Variants in EPHB6 observed in about 807,000 individuals in gnomAD.
The protein encoded by EPHB6 is ephrin type-B receptor 6.
Under a neutral mutation model 107.0 loss-of-function variants are expected in EPHB6, and 51 were observed. That is an observed-to-expected ratio of 0.48 (90% confidence interval 0.38 to 0.60). The LOEUF (loss-of-function observed/expected upper bound fraction) is 0.60. Ranked by LOEUF, EPHB6 falls within the 20% of genes least tolerant of loss-of-function variation. The pLI, the probability that EPHB6 is intolerant of heterozygous loss-of-function variation, is 0.00. For synonymous variants in EPHB6, 553 were observed against 549.0 expected (o/e 1.01, Z -0.10); for missense variants, 1,141 against 1,355.5 (o/e 0.84, Z 2.48).
At position 142,865,975 on chromosome 7, in the gene EPHB6, C is replaced by T; in HGVS notation, c.1121C>T (p.Pro374Leu). Reference protein sequence around the residue: ...EAPCTGPPSAPQELWFEVQGS... With the variant: ...EAPCTGPPSALQELWFEVQGS... Reference sequence around the variant, plus strand: ...GGCCCCCCAGGTCCTCCATCGGCTCCCCAGGAGCTTTGGTTTGAGGTGCAA... The same window carrying T: ...GGCCCCCCAGGTCCTCCATCGGCTCTCCAGGAGCTTTGGTTTGAGGTGCAA... Residue 374 changes from proline (P) to leucine (L), a missense_variant, in exon 9 of 20, where the codon CCC becomes CTC. Physicochemically the swap from Pro to Leu is moderately conservative, Grantham distance 98. Around this residue, in one of 3 missense-constraint regions of EPHB6, gnomAD observed 304 missense variants for 295.7 expected, o/e 1.03. Coordinates refer to ENST00000652003, the MANE Select transcript of EPHB6 (RefSeq NM_004445.6). The T allele has an allele frequency of 6.2e-7, 1 of 1,613,964 alleles. No individual in the cohort carries two copies.
rs1054313100 is a variant in EPHB6, at chr7:142,866,269, C to T, written c.1415C>T (p.Pro472Leu). Residue 472 changes from proline (P) to leucine (L), a missense_variant, in exon 9 of 20, where the codon CCT becomes CTT. Pro to Leu is a moderately conservative substitution (Grantham distance 98). Coordinates refer to ENST00000652003, the MANE Select transcript of EPHB6 (RefSeq NM_004445.6). The surrounding 1 kb of genome is among the most constrained non-coding windows in gnomAD (Gnocchi z 5.2). The stretch of plus-strand genomic sequence containing the variant: ...GTTAATGGGGTGTCTGAGCTCAGCC[C>T]TGACCCTCCTCAGGCTGCAGCCATC... ...QAVNGVSELSPDPPQAAAINV... is the reference protein window; with the variant it reads ...QAVNGVSELSLDPPQAAAINV... The T allele has an allele frequency of 1.2e-6, 2 of 1,613,958 alleles. No individual in the cohort carries two copies. The highest frequency in any genetic ancestry group is 2.7e-5 in the African/African-American group (2 of 74,902).
Position 142,870,366 on chromosome 7 carries a change from CA to C in EPHB6, c.2765del (p.Lys922SerfsTer20). On this transcript the variant is annotated frameshift_variant, in exon 18 of 20. Coordinates refer to ENST00000652003, the MANE Select transcript of EPHB6 (RefSeq NM_004445.6). LOFTEE classifies it high-confidence loss of function. The stretch of plus-strand genomic sequence containing the variant: ...TGGCTGCATTTGACAAGATGATCCG[CA>C]AGCCAGATACCCTGCAGGCTGGCGG... ...LVAAFDKMIRKPDTLQAGGDP... is the reference protein window; with the variant it reads ...LVAAFDKMIRXPDTLQAGGDP... 6.2e-7 allele frequency: 1 copy of C among 1,614,194 alleles called. No individual in the cohort carries two copies.
Position 142,867,474 on chromosome 7 carries a change from T to G in EPHB6, c.1751-134T>G. 1 of 746,176 alleles carries G rather than the reference T, an allele frequency of 1.3e-6. No individual in the cohort carries two copies. The highest frequency in any genetic ancestry group is 2.4e-6 in the Non-Finnish European group (1 of 424,686). 46.2% of individuals were successfully genotyped at this position (746,176 alleles called of 1,614,324 possible). On this transcript the variant is annotated intron_variant, in intron 11 of 19. Transcript: ENST00000652003. The surrounding 1 kb of genome is among the most constrained non-coding windows in gnomAD (Gnocchi z 5.3). ...CGTGTGTGTGTGTTGTGTGTCCCTG[T>G]GCATGGATGTGGGAGGTTTGGGGCA...
At chr7:142,858,423 CTTTTTTTTTTTTTTTT>C (rs958011230) in intron 1 of EPHB6, among the ~76,000 whole-genome samples, 2 of 57,614 alleles carry the variant, frequency 3.5e-5, no homozygotes, top group South Asian at 1.0e-3. Flanking sequence ...TTAAGTCATT[CTTTTTTTTTTTTTTTT>C]TTTTTTTTTT....
intron 1 of EPHB6, among the ~76,000 whole-genome samples, chr7:142,857,072 C>G (rs1484311920): frequency 6.6e-6 from 1 of 152,222 alleles, no homozygotes; most frequent in Non-Finnish European, 1.5e-5. Flanking sequence ...TCCAGAGCCA[C>G]GCATGTCCCC....
rs1479788832 is a variant in EPHB6, at chr7:142,864,244, C to G, written c.444C>G (p.His148Gln). Residue 148 changes from histidine to glutamine, a missense_variant, in exon 7 of 20, where the codon CAC (histidine) becomes CAG (glutamine). Around this residue, in one of 3 missense-constraint regions of EPHB6, gnomAD observed 221 missense variants for 300.5 expected, o/e 0.74. Coordinates refer to ENST00000652003, the MANE Select transcript of EPHB6 (RefSeq NM_004445.6). ...PDSPDSVSSW[H>Q]LKRWTKVDTI... Reference sequence around the variant, plus strand: ...GCCCTGACAGCGTTTCCTCCTGGCACCTCAAACGCTGGACCAAGGTGGACA... The same window carrying G: ...GCCCTGACAGCGTTTCCTCCTGGCAGCTCAAACGCTGGACCAAGGTGGACA... 1 of 1,613,796 alleles carries G rather than the reference C, an allele frequency of 6.2e-7. No homozygotes were observed. The highest frequency in any genetic ancestry group is 1.3e-5 in the African/African-American group (1 of 74,946).
At position 142,867,086 on chromosome 7, in the gene EPHB6, GC is replaced by G; in HGVS notation, c.1750+20del. ...TCCTCAAGGTGAGCGGGGGTCAAGG[GC>G]CAGATGGGCAGGTGAAGGCCCAAGT... On this transcript the variant is annotated intron_variant, in intron 11 of 19. Coordinates refer to ENST00000652003, the MANE Select transcript of EPHB6 (RefSeq NM_004445.6). The surrounding 1 kb of genome is among the most constrained non-coding windows in gnomAD (Gnocchi z 5.3). The G allele has an allele frequency of 6.2e-7, 1 of 1,609,894 alleles. No homozygotes were observed. Among genetic ancestry groups the G allele is most frequent in the Non-Finnish European group, 8.5e-7 (1 of 1,179,156 alleles).
intron 1 of EPHB6, among the ~76,000 whole-genome samples, chr7:142,856,760 G>T (rs949956767): frequency 8.5e-5 from 13 of 152,148 alleles, no homozygotes; most frequent in African/African-American, 2.9e-4. Context: ...CAGCCAGACT[G>T]GGGGTAGAGC....
Position 142,870,998 on chromosome 7 carries a change from C to A in EPHB6, c.*94C>A. ...CTCCAACAGCCTCTGTGAGAGATGC[C>A]CCACACCAAACCCAACCCTCCCGAT... is the stretch of plus-strand genomic sequence containing the variant. On this transcript the variant is annotated 3_prime_UTR_variant, in exon 20 of 20. Transcript: ENST00000652003. The A allele has an allele frequency of 8.2e-7, 1 of 1,226,040 alleles. No individual in the cohort carries two copies. Among genetic ancestry groups the A allele is most frequent in the Non-Finnish European group, 1.1e-6 (1 of 870,978 alleles). The allele number at this position is 1,226,040 out of a possible 1,614,324, so 75.9% of individuals were successfully genotyped here.
chr7:142,865,401 C>G, intron 7 of EPHB6, 74 bp from the exon 8 acceptor site: 1 of 1,593,180 alleles, frequency 6.3e-7, no homozygotes, highest in Non-Finnish European at 8.6e-7. Flanking sequence ...AGGATACCTG[C>G]CTGCTGTGTG....
At position 142,870,915 on chromosome 7, in the gene EPHB6, A is replaced by C. The variant is rs1401999119; in HGVS notation, c.*11A>C. The C allele has an allele frequency of 6.2e-7, 1 of 1,609,240 alleles. No individual in the cohort carries two copies. The highest frequency in any genetic ancestry group is 1.1e-5 in the South Asian group (1 of 90,898). ...TCAGTGGAGGTCTGAGAATGACGATACCCGTGACTCAGCCCTGGACACTGG... is the reference window on the plus strand; with the variant it reads ...TCAGTGGAGGTCTGAGAATGACGATCCCCGTGACTCAGCCCTGGACACTGG... On this transcript the variant is annotated 3_prime_UTR_variant, in exon 20 of 20. Coordinates refer to ENST00000652003, the MANE Select transcript of EPHB6 (RefSeq NM_004445.6).
chr7:142,864,434 G>T lies in EPHB6; in HGVS notation c.634G>T (p.Val212Leu), dbSNP rs1469509217. 8.1e-6 allele frequency: 13 copies of T among 1,612,200 alleles called. No individual in the cohort carries two copies. The South Asian group carries it at 1.4e-4, about 18-fold the overall frequency. Residue 212 changes from valine (V) to leucine (L), a missense_variant, in exon 7 of 20, where the codon GTG becomes TTG. Around this residue, in one of 3 missense-constraint regions of EPHB6, gnomAD observed 221 missense variants for 300.5 expected, o/e 0.74. Coordinates refer to ENST00000652003, the MANE Select transcript of EPHB6 (RefSeq NM_004445.6). ...GCCTCTCACCCAACGCGGCTTCTAC[G>T]TGGCCTTCCAGGACACGGGGGCCTG... ...FGPLTQRGFY[V>L]AFQDTGACLA...
rs189775266 is a variant in EPHB6, at chr7:142,866,247, A to G, written c.1393A>G (p.Asn465Asp). 2 of 1,613,984 alleles carry G rather than the reference A, an allele frequency of 1.2e-6. No individual in the cohort carries two copies. The highest frequency in any genetic ancestry group is 8.5e-7 in the Non-Finnish European group (1 of 1,179,962). The change falls in exon 9 of 20, where the codon AAT (asparagine) becomes GAT (aspartate). Residue 465 changes from asparagine to aspartate, a missense_variant. By Grantham distance (23) the Asn-to-Asp change is conservative (BLOSUM62 1). Coordinates refer to ENST00000652003, the MANE Select transcript of EPHB6 (RefSeq NM_004445.6). This position sits in a 1 kb window ranked among gnomAD's most constrained non-coding sequence, Gnocchi z 5.2. ...CTACATCTTAGAGGTGCAGGCTGTT[A>G]ATGGGGTGTCTGAGCTCAGCCCTGA... The part of the protein sequence containing the change: ...VPYILEVQAV[N>D]GVSELSPDPP...
chr7:142,866,164 G>A lies in EPHB6; in HGVS notation c.1310G>A (p.Arg437His), dbSNP rs765196557. Reference protein sequence around the residue: ...RCRDEVHFDPRQRGLTESRVL... With the variant: ...RCRDEVHFDPHQRGLTESRVL... ...AGGGATGAGGTCCACTTCGACCCTC[G>A]CCAGAGAGGCCTGACTGAGAGCCGA... Residue 437 changes from arginine (R) to histidine (H), a missense_variant, in exon 9 of 20, where the codon CGC (arginine) becomes CAC (histidine). Around this residue, in one of 3 missense-constraint regions of EPHB6, gnomAD observed 304 missense variants for 295.7 expected, o/e 1.03. Transcript: ENST00000652003. This position sits in a 1 kb window ranked among gnomAD's most constrained non-coding sequence, Gnocchi z 5.2. 3.1e-5 allele frequency: 50 copies of A among 1,613,968 alleles called. No individual in the cohort carries two copies. Among genetic ancestry groups the A allele is most frequent in the South Asian group, 1.3e-4 (12 of 91,082 alleles).
In EPHB6 at chr7:142,869,106, C is replaced by G. The variant is rs938014510; in HGVS notation, c.2419C>G (p.His807Asp). 1 of 1,613,660 alleles carries G rather than the reference C, an allele frequency of 6.2e-7. No individual in the cohort carries two copies. Among genetic ancestry groups the G allele is most frequent in the African/African-American group, 1.3e-5 (1 of 74,936 alleles). Reference sequence around the variant, plus strand: ...TGCCCACAGCGTGCTGGTGAATAGCCACTTGGTGTGCAAGGTGGCCCGTCT... The same window carrying G: ...TGCCCACAGCGTGCTGGTGAATAGCGACTTGGTGTGCAAGGTGGCCCGTCT... ...LSAHSVLVNS[H>D]LVCKVARLGH... The change falls in exon 16 of 20, where the codon CAC becomes GAC. Residue 807 changes from histidine (H) to aspartate (D), a missense_variant. Around this residue, in one of 3 missense-constraint regions of EPHB6, gnomAD observed 616 missense variants for 759.3 expected, o/e 0.81. Coordinates refer to ENST00000652003, the MANE Select transcript of EPHB6 (RefSeq NM_004445.6). The surrounding 1 kb of genome is among the most constrained non-coding windows in gnomAD (Gnocchi z 4.5).
rs780482837 is a variant in EPHB6 at position 142,866,242 on chromosome 7, C to T, written c.1388C>T (p.Ala463Val). The part of the protein sequence containing the change: ...AHVPYILEVQ[A>V]VNGVSELSPD... ...GTACCCTACATCTTAGAGGTGCAGG[C>T]TGTTAATGGGGTGTCTGAGCTCAGC... is the stretch of plus-strand genomic sequence containing the variant. Residue 463 changes from alanine (A) to valine (V), a missense_variant, in exon 9 of 20, where the codon GCT becomes GTT. Around this residue, in one of 3 missense-constraint regions of EPHB6, gnomAD observed 616 missense variants for 759.3 expected, o/e 0.81. Transcript: ENST00000652003. This position sits in a 1 kb window ranked among gnomAD's most constrained non-coding sequence, Gnocchi z 5.2. 1 of 1,614,090 alleles carries T rather than the reference C, an allele frequency of 6.2e-7. No individual in the cohort carries two copies. The highest frequency in any genetic ancestry group is 1.1e-5 in the South Asian group (1 of 91,074).
In EPHB6 at chr7:142,867,524, GT is replaced by G; in HGVS notation, c.1751-83del. The G allele has an allele frequency of 8.7e-7, 1 of 1,145,348 alleles. No homozygotes were observed. Among genetic ancestry groups the G allele is most frequent in the Non-Finnish European group, 1.3e-6 (1 of 779,050 alleles). 70.9% of individuals were successfully genotyped at this position (1,145,348 alleles called of 1,614,324 possible). A position where few individuals can be genotyped will look rare whatever the true frequency, so the allele number is the denominator to read the frequency against. On this transcript the variant is annotated intron_variant, in intron 11 of 19. Transcript: ENST00000652003. This position sits in a 1 kb window ranked among gnomAD's most constrained non-coding sequence, Gnocchi z 5.3. ...ATGCGCGTGCATGTTGTGTGTGCCT[GT>G]GGTGTGTGTGGGTGCCTGGGCACAT...
Position 142,870,275 on chromosome 7 carries a change from T to C in EPHB6, c.2672T>C (p.Leu891Ser). Residue 891 changes from leucine to serine, a missense_variant, in exon 18 of 20, where the codon TTA (leucine) becomes TCA (serine). Physicochemically the swap from Leu to Ser is moderately radical, Grantham distance 145. Transcript: ENST00000652003. ...CCGCCTCCAGGCTGTCCTCCTGGAT[T>C]ACATCTACTTATGTTGGACACTTGG... Reference protein sequence around the residue: ...LPPPPGCPPGLHLLMLDTWQK... With the variant: ...LPPPPGCPPGSHLLMLDTWQK... 6.2e-7 allele frequency: 1 copy of C among 1,614,226 alleles called. No individual in the cohort carries two copies. Among genetic ancestry groups the C allele is most frequent in the Non-Finnish European group, 8.5e-7 (1 of 1,180,036 alleles).
intron 1 of EPHB6, among the ~76,000 whole-genome samples, chr7:142,859,582 A>G (rs1563334762): frequency 2.0e-5 from 3 of 152,106 alleles, no homozygotes; most frequent in Non-Finnish European, 2.9e-5. Flanking sequence ...GGTTTGTTTG[A>G]TAAGTAAGAA....
Sources: gnomAD v4.1 joint callset for allele counts (sites outside exome capture counted in the v4.1 genomes callset) on GRCh38, gnomAD v4.1.1 for gene constraint, gnomAD v4.1.1 regional missense constraint, Gnocchi (gnomAD v3.1) non-coding constraint, MANE v1.5 for transcripts, NCBI Gene and HGNC (gene_info 2026-07-23, HGNC 2026-07-21) for gene names.